Variants in CSMD2 observed in about 807,000 individuals in gnomAD.
The protein encoded by CSMD2 is CUB and Sushi multiple domains 2.
CSMD2 carries 130 observed loss-of-function variants against 398.5 expected under a neutral mutation model. The observed-to-expected ratio is 0.33, with a 90% CI of 0.28 to 0.38. The LOEUF is 0.38. Among genes scored for constraint, CSMD2 ranks in the 10% least tolerant of loss-of-function variants. The pLI is 1.00. For missense variants in CSMD2, 3,829 were observed against 4,764.9 expected, an observed-to-expected ratio of 0.80 and a Z score of 5.78; for synonymous variants, 1,828 against 1,908.5, an observed-to-expected ratio of 0.96 and a Z score of 1.10.
At position 33,678,185 on chromosome 1, in the gene CSMD2, C is replaced by T. The variant is rs577748469; in HGVS notation, c.4052+14745G>A. Reference sequence around the variant, plus strand: ...TCATTCTCTTGCCATGTGACATGCTCGCTCCCCCTTCTCTATCCACCATGA... The same window carrying T: ...TCATTCTCTTGCCATGTGACATGCTTGCTCCCCCTTCTCTATCCACCATGA... On this transcript the variant is annotated intron_variant, in intron 25 of 70. Transcript: ENST00000373381. 5.9e-5 allele frequency among the ~76,000 whole-genome samples: 9 copies of T among 151,898 alleles called. No homozygotes were observed. The East Asian group carries it at 9.7e-4, about 16-fold the overall frequency.
In CSMD2 at chr1:33,788,672, T is replaced by G; in HGVS notation, c.1591A>C (p.Asn531His). The G allele has an allele frequency of 6.2e-7, 1 of 1,614,006 alleles. No individual in the cohort carries two copies. The highest frequency in any genetic ancestry group is 8.5e-7 in the Non-Finnish European group (1 of 1,179,896). The part of the protein sequence containing the change: ...TSVPDLIVST[N>H]HQMWLLFQTD... ...TGGAAGAGGAGCCACATTTGATGATTGGTGCTGACAATGAGATCCGGGACC... is the reference window on the plus strand; with the variant it reads ...TGGAAGAGGAGCCACATTTGATGATGGGTGCTGACAATGAGATCCGGGACC... The change falls in exon 12 of 71, where the codon AAT (asparagine) becomes CAT (histidine). Residue 531 changes from asparagine (N) to histidine (H), a missense_variant. Transcript: ENST00000373381.
chr1:34,020,625 G>A (rs1230776377), intron 3 of CSMD2, among the ~76,000 whole-genome samples: 2 of 148,072 alleles, frequency 1.4e-5, no homozygotes, highest in South Asian at 2.4e-4. Flanking sequence ...GCAGGAACAC[G>A]GTGGAGAGTG....
chr1:34,089,985 C>G (rs1033644637), intron 1 of CSMD2, among the ~76,000 whole-genome samples: 1 of 152,198 alleles, frequency 6.6e-6, no homozygotes, highest in Non-Finnish European at 1.5e-5. Context: ...TTCCCACTCA[C>G]TCTCCAACCC....
Position 33,801,093 on chromosome 1 carries a change from C to T in CSMD2, c.1447-8567G>A, listed in dbSNP as rs756509924. Among the ~76,000 whole-genome samples the T allele has an allele frequency of 5.9e-5, 9 of 152,232 alleles. No individual in the cohort carries two copies. In the Middle Eastern group the frequency reaches 0.014, roughly 230 times the overall value. ...AAAGGAAACAGTGACAGTGATAATC[C>T]CCAAGGAGTGAATAATCAAAACGCT... On this transcript the variant is annotated intron_variant, in intron 10 of 70. Coordinates refer to ENST00000373381, the MANE Select transcript of CSMD2 (RefSeq NM_001281956.2).
intron 1 of CSMD2, among the ~76,000 whole-genome samples, chr1:34,123,156 G>T (rs1283918238): frequency 6.6e-6 from 1 of 152,214 alleles, no homozygotes; most frequent in Non-Finnish European, 1.5e-5. Flanking sequence ...GAATAAGGCA[G>T]GATTAGAGGG....
At chr1:34,070,426 G>C (rs1477447912) in intron 2 of CSMD2, among the ~76,000 whole-genome samples, 1 of 152,210 alleles carries the variant, frequency 6.6e-6, no homozygotes, top group African/African-American at 2.4e-5. Context: ...GCTCAGAGCA[G>C]GGAGAAAATG....
At chr1:33,845,247 C>T (rs1449369857) in intron 6 of CSMD2, among the ~76,000 whole-genome samples, 1 of 152,192 alleles carries the variant, frequency 6.6e-6, no homozygotes, top group Non-Finnish European at 1.5e-5. Flanking sequence ...TGATCTTGGG[C>T]TAGTTACAAC....
At chr1:33,937,392 C>A (rs1402142881) in intron 3 of CSMD2, among the ~76,000 whole-genome samples, 1 of 152,046 alleles carries the variant, frequency 6.6e-6, no homozygotes, top group East Asian at 1.9e-4. Flanking sequence ...GTGCAAAGGC[C>A]CTGAGGCCAG....
Position 33,633,330 on chromosome 1 carries a change from C to T in CSMD2, c.5200+92G>A, listed in dbSNP as rs1642581456. ...ACGCAGAGCCGTAGGGTTCCACCTG[C>T]GGCCATGGGGTGCTTCTAGAGCCTC... On this transcript the variant is annotated intron_variant, in intron 32 of 70. Transcript: ENST00000373381. The surrounding 1 kb of genome is among the most constrained non-coding windows in gnomAD (Gnocchi z 5.0). The T allele has an allele frequency of 9.9e-6, 9 of 906,154 alleles. No homozygotes were observed. Among genetic ancestry groups the T allele is most frequent in the South Asian group, 7.4e-5 (5 of 67,798 alleles). The allele number at this position is 906,154 out of a possible 1,614,324, so 56.1% of individuals were successfully genotyped here. A position where few individuals can be genotyped will look rare whatever the true frequency, so the allele number is the denominator to read the frequency against.
intron 22 of CSMD2, 73 bp downstream of exon 22, chr1:33,709,016 G>A: frequency 1.5e-6 from 2 of 1,321,840 alleles, no homozygotes; most frequent in Non-Finnish European, 2.1e-6. Flanking sequence ...CATTCACACA[G>A]AGACAAAGGA....
intron 12 of CSMD2, among the ~76,000 whole-genome samples, chr1:33,783,235 T>A (rs4652974): frequency 6.6e-6 from 1 of 151,730 alleles, no homozygotes; most frequent in South Asian, 2.1e-4. Flanking sequence ...TGGTTTTGGA[T>A]GGTATTACGG....
chr1:33,624,244 C>A lies in CSMD2; in HGVS notation c.5625+275G>T, dbSNP rs78917574. ...CCCTCCTGGCCATGGCCAATCAATG[C>A]CCACCTCTCCTCCTTCCTGGGTTAC... On this transcript the variant is annotated intron_variant, in intron 35 of 70. Transcript: ENST00000373381. This position sits in a 1 kb window ranked among gnomAD's most constrained non-coding sequence, Gnocchi z 4.7. Among the ~76,000 whole-genome samples the A allele has an allele frequency of 6.6e-6, 1 of 152,202 alleles. No homozygotes were observed. The highest frequency in any genetic ancestry group is 1.5e-5 in the Non-Finnish European group (1 of 68,030).
In CSMD2 at chr1:33,519,370, G is replaced by T. The variant is rs2131776; in HGVS notation, c.*53+95C>A. 247,210 of 699,606 alleles carry T rather than the reference G, an allele frequency of 0.35. 44,348 individuals carry two copies. Among genetic ancestry groups the T allele is most frequent in the Middle Eastern group, 0.42 (1,034 of 2,452 alleles). The allele number at this position is 699,606 out of a possible 1,614,324, so 43.3% of individuals were successfully genotyped here. A position where few individuals can be genotyped will look rare whatever the true frequency, so the allele number is the denominator to read the frequency against. ...CTCTCCTCTTACTGGGTGTGTCTAT[G>T]TGGTGTGTGCGACTCCGTTGGGTGG... is the stretch of plus-strand genomic sequence containing the variant. On this transcript the variant is annotated intron_variant, in intron 70 of 70. Coordinates refer to ENST00000373381, the MANE Select transcript of CSMD2 (RefSeq NM_001281956.2). This position sits in a 1 kb window ranked among gnomAD's most constrained non-coding sequence, Gnocchi z 5.6.
chr1:33,935,821 G>A lies in CSMD2; in HGVS notation c.651C>T (p.Leu217=). ...LGFFLEGHAV[L]TCHAGSENSA... ...TGTTCTCAGAGCCAGCGTGGCAGGT[G>A]AGCACGGCGTGGCCCTCCAGGAAGA... The change falls in exon 4 of 71, where the codon CTC becomes CTT. Residue 217 remains leucine (L), a synonymous_variant. Coordinates refer to ENST00000373381, the MANE Select transcript of CSMD2 (RefSeq NM_001281956.2). The A allele has an allele frequency of 6.2e-7, 1 of 1,614,106 alleles. No individual in the cohort carries two copies. Among genetic ancestry groups the A allele is most frequent in the Non-Finnish European group, 8.5e-7 (1 of 1,179,954 alleles).
intron 1 of CSMD2, among the ~76,000 whole-genome samples, chr1:34,135,242 TCACACA>T (rs66898227): frequency 0.011 from 1,435 of 135,448 alleles, 10 homozygotes; most frequent in East Asian, 0.032. Context: ...CATGTTGAAA[TCACACA>T]CACACACACA....
In CSMD2 at chr1:34,089,634, C is replaced by T. The variant is rs1026290407; in HGVS notation, c.188-441G>A. On this transcript the variant is annotated intron_variant, in intron 1 of 70. Coordinates refer to ENST00000373381, the MANE Select transcript of CSMD2 (RefSeq NM_001281956.2). ...AAATAAAAGCCATTCCTAAGGATTC[C>T]CTTGTCTTCCCAATTCCAAACCCTT... Among the ~76,000 whole-genome samples the T allele has an allele frequency of 2.6e-5, 4 of 152,238 alleles. No individual in the cohort carries two copies. The East Asian group carries it at 7.7e-4, about 29-fold the overall frequency.
intron 1 of CSMD2, among the ~76,000 whole-genome samples, chr1:34,126,977 A>G (rs945706716): frequency 6.6e-6 from 1 of 151,984 alleles, no homozygotes; most frequent in Non-Finnish European, 1.5e-5. Context: ...AAGAGACACA[A>G]CGGCAGATAG....
intron 2 of CSMD2, among the ~76,000 whole-genome samples, chr1:34,043,032 G>T (rs1299951838): frequency 6.6e-6 from 1 of 151,906 alleles, no homozygotes; most frequent in Non-Finnish European, 1.5e-5. Flanking sequence ...CTCGTGATCT[G>T]CCCGCCTTGG....
At chr1:33,730,746 G>A (rs1369969917) in intron 15 of CSMD2, among the ~76,000 whole-genome samples, 1 of 152,080 alleles carries the variant, frequency 6.6e-6, no homozygotes, top group African/African-American at 2.4e-5. Flanking sequence ...TTGGGAACTG[G>A]GATTTTCAGC....
Sources: gnomAD v4.1 joint callset for allele counts (sites outside exome capture counted in the v4.1 genomes callset) on GRCh38, gnomAD v4.1.1 for gene constraint, Gnocchi (gnomAD v3.1) non-coding constraint, MANE v1.5 for transcripts, NCBI Gene and HGNC (gene_info 2026-07-23, HGNC 2026-07-21) for gene names.